USHBP1: variants seen among roughly 807,000 people sequenced by gnomAD.
USHBP1 encodes the protein USH1 protein network component harmonin binding protein 1, also known as harmonin-binding protein USHBP1.
A neutral mutation model predicts 76.2 loss-of-function variants in USHBP1; 67 were observed. The ratio of observed to expected loss-of-function variants is 0.88; its 90% CI spans 0.72 to 1.08. The LOEUF (loss-of-function observed/expected upper bound fraction) is 1.08, where lower values mean the gene tolerates loss of function less well. Ranked by LOEUF, USHBP1 falls within the 50% of genes least tolerant of loss-of-function variation. USHBP1 has a pLI of 0.00. For synonymous variants in USHBP1, 322 were observed against 362.2 expected (o/e 0.89, Z 1.26); for missense variants, 931 against 915.0 (o/e 1.02, Z -0.23).
intron 3 of USHBP1, 99 bp downstream of exon 3, chr19:17,263,903 T>G (rs1599481200): frequency 7.2e-7 from 1 of 1,392,782 alleles, no homozygotes; most frequent in African/African-American, 1.5e-5. Flanking sequence ...AATAGGGAGC[T>G]ATGGTAGGTG....
chr19:17,258,516 C>G, intron 7 of USHBP1, 131 bp from the exon 8 acceptor site: 1 of 984,522 alleles, frequency 1.0e-6, no homozygotes, highest in Non-Finnish European at 1.5e-6. Flanking sequence ...CGAGACCAGC[C>G]TGACCAACAT....
At position 17,260,036 on chromosome 19, in the gene USHBP1, G is replaced by C. The variant is rs747636312; in HGVS notation, c.643-14C>G. ...CAGCTCTTGAACCTGGGAAAGATGAGGGGGACGTCAGGCCTAGGGGCTCAA... is the reference window on the plus strand; with the variant it reads ...CAGCTCTTGAACCTGGGAAAGATGACGGGGACGTCAGGCCTAGGGGCTCAA... On this transcript the variant is annotated splice_polypyrimidine_tract_variant and intron_variant, in intron 4 of 12. Coordinates refer to ENST00000252597, the MANE Select transcript of USHBP1 (RefSeq NM_031941.4). 5 of 1,609,786 alleles carry C rather than the reference G, an allele frequency of 3.1e-6. No individual in the cohort carries two copies. The highest frequency in any genetic ancestry group is 4.2e-6 in the Non-Finnish European group (5 of 1,176,966).
In USHBP1 at chr19:17,262,784, CG is replaced by C; in HGVS notation, c.409del (p.Arg137AlafsTer51). ...CCCAGAATGGCTGGGGGGCTGGTGGCGCCAGGCTGCAGCCGCTGCCTCCAGG... is the reference window on the plus strand; with the variant it reads ...CCCAGAATGGCTGGGGGGCTGGTGGCCCAGGCTGCAGCCGCTGCCTCCAGG... ...SSLEAAAAAW[R>X]HQPPSHSGPM... On this transcript the variant is annotated frameshift_variant, in exon 4 of 13. Coordinates refer to ENST00000252597, the MANE Select transcript of USHBP1 (RefSeq NM_031941.4). LOFTEE classifies it high-confidence loss of function. 1 of 1,614,006 alleles carries C rather than the reference CG, an allele frequency of 6.2e-7. No homozygotes were observed. Among genetic ancestry groups the C allele is most frequent in the South Asian group, 1.1e-5 (1 of 91,072 alleles).
Position 17,259,435 on chromosome 19 carries a change from C to A in USHBP1, c.906-6G>T. On this transcript the variant is annotated splice_region_variant and splice_polypyrimidine_tract_variant and intron_variant, in intron 6 of 12. Coordinates refer to ENST00000252597, the MANE Select transcript of USHBP1 (RefSeq NM_031941.4). The stretch of plus-strand genomic sequence containing the variant: ...ATTTGAGCTTCTCAATGCTCCTGTT[C>A]CCGAAGGTGGGGAAGAGGGAAAGTC... 1 of 1,613,976 alleles carries A rather than the reference C, an allele frequency of 6.2e-7. No individual in the cohort carries two copies. Among genetic ancestry groups the A allele is most frequent in the South Asian group, 1.1e-5 (1 of 91,054 alleles).
chr19:17,258,294 C>T lies in USHBP1; in HGVS notation c.1138G>A (p.Ala380Thr), dbSNP rs1242579768. The T allele has an allele frequency of 3.1e-6, 5 of 1,614,024 alleles. No individual in the cohort carries two copies. The highest frequency in any genetic ancestry group is 2.7e-5 in the African/African-American group (2 of 74,932). Reference sequence around the variant, plus strand: ...AGCCTCCATGCTTCCTTTTCAGCTGCTTGCAGGTCACTCATGGGGGCTTCG... The same window carrying T: ...AGCCTCCATGCTTCCTTTTCAGCTGTTTGCAGGTCACTCATGGGGGCTTCG... ...GDEAPMSDLQ[A>T]AEKEAWRLLA... is the part of the protein sequence containing the mutation. The change falls in exon 8 of 13, where the codon GCA becomes ACA. Residue 380 changes from alanine (A) to threonine (T), a missense_variant. Ala to Thr is a moderately conservative substitution (Grantham distance 58, BLOSUM62 0). Coordinates refer to ENST00000252597, the MANE Select transcript of USHBP1 (RefSeq NM_031941.4).
chr19:17,260,076 CTCTCTCCCCAAGGCCTGT>C, intron 4 of USHBP1, 54 bp from the exon 5 acceptor site: 1 of 1,574,126 alleles, frequency 6.4e-7, no homozygotes, highest in Non-Finnish European at 8.7e-7. Flanking sequence ...ACCACCAGCC[CTCTCTCCCCAAGGCCTGT>C]TCTTGGGGAA....
intron 4 of USHBP1, among the ~76,000 whole-genome samples, chr19:17,261,673 C>T (rs1378978528): frequency 4.4e-5 from 6 of 135,810 alleles, no homozygotes; most frequent in East Asian, 2.2e-4. Context: ...AGTCTCACTC[C>T]GTCACCCAGG....
At position 17,256,455 on chromosome 19, in the gene USHBP1, C is replaced by T. The variant is rs756557710; in HGVS notation, c.1470+16G>A. 3.1e-6 allele frequency: 5 copies of T among 1,612,592 alleles called. No individual in the cohort carries two copies. The South Asian group carries it at 3.3e-5, about 11-fold the overall frequency. On this transcript the variant is annotated intron_variant, in intron 9 of 12. Coordinates refer to ENST00000252597, the MANE Select transcript of USHBP1 (RefSeq NM_031941.4). ...CACCAAGAAAGACTGACACAGTGGC[C>T]ACAGCCCATTTGTACCCTTGCGGCC...
chr19:17,257,528 G>C (rs1470447668), intron 8 of USHBP1, among the ~76,000 whole-genome samples: 1 of 150,264 alleles, frequency 6.7e-6, no homozygotes, highest in Admixed American at 6.6e-5. Context: ...TGTAATCCCA[G>C]CTACTCGGGA....
Position 17,256,476 on chromosome 19 carries a change from C to G in USHBP1, c.1465G>C (p.Ala489Pro), listed in dbSNP as rs201528202. 1 of 1,613,268 alleles carries G rather than the reference C, an allele frequency of 6.2e-7. No homozygotes were observed. Among genetic ancestry groups the G allele is most frequent in the Non-Finnish European group, 8.5e-7 (1 of 1,180,008 alleles). ...KTQIQQDLVAAREALADLMLR... is the reference protein window; with the variant it reads ...KTQIQQDLVAPREALADLMLR... The stretch of plus-strand genomic sequence containing the variant: ...TGGCCACAGCCCATTTGTACCCTTG[C>G]GGCCACCAGGTCCTGCTGAATTTGT... The change falls in exon 9 of 13, where the codon GCA becomes CCA. Residue 489 changes from alanine to proline, a missense_variant. Transcript: ENST00000252597.
chr19:17,260,581 C>G (rs1297635219), intron 4 of USHBP1, among the ~76,000 whole-genome samples: 1 of 152,164 alleles, frequency 6.6e-6, no homozygotes, highest in Non-Finnish European at 1.5e-5. Context: ...CTTCCTGACT[C>G]AGCCTCCCAA....
At chr19:17,251,834 C>G in intron 11 of USHBP1, 77 bp downstream of exon 11, 3 of 1,529,478 alleles carry the variant, frequency 2.0e-6, no homozygotes, top group Non-Finnish European at 2.6e-6. Context: ...TTAGCTTCTA[C>G]TGCAGACGAC....
intron 9 of USHBP1, 133 bp from the exon 10 acceptor site, chr19:17,255,739 G>T (rs2073612006): frequency 6.1e-6 from 6 of 985,192 alleles, no homozygotes. Flanking sequence ...AGTGGCTCAT[G>T]CCTGTAATCC....
intron 9 of USHBP1, among the ~76,000 whole-genome samples, chr19:17,256,110 T>G (rs1236481941): frequency 6.6e-6 from 1 of 152,078 alleles, no homozygotes; most frequent in Non-Finnish European, 1.5e-5. Context: ...GAAATGGCAT[T>G]TCCTAGAGGG....
chr19:17,263,475 T>C (rs1176726510), intron 3 of USHBP1: 1 of 159,566 alleles, frequency 6.3e-6, no homozygotes, highest in Non-Finnish European at 1.4e-5. Flanking sequence ...AGGAAGAGGC[T>C]AGATAGAGGT....
At chr19:17,250,986 G>A (rs1321525090) in intron 12 of USHBP1, among the ~76,000 whole-genome samples, 9 of 151,936 alleles carry the variant, frequency 5.9e-5, no homozygotes, top group African/African-American at 1.5e-4. Context: ...TCAGCCTACC[G>A]AGTAGCTGGG....
chr19:17,259,996 C>A lies in USHBP1; in HGVS notation c.669G>T (p.Leu223Phe). 1.2e-6 allele frequency: 2 copies of A among 1,613,768 alleles called. No homozygotes were observed. Among genetic ancestry groups the A allele is most frequent in the Non-Finnish European group, 1.7e-6 (2 of 1,179,830 alleles). ...KEVQELQDSL[L>F]RLEPCPHLSH... ...AAAGATGTGGGCAGGGCTCCAGCCTCAAGAGGGAATCCTGCAGCTCTTGAA... is the reference window on the plus strand; with the variant it reads ...AAAGATGTGGGCAGGGCTCCAGCCTAAAGAGGGAATCCTGCAGCTCTTGAA... Residue 223 changes from leucine (L) to phenylalanine (F), a missense_variant, in exon 5 of 13, where the codon TTG (leucine) becomes TTT (phenylalanine). By Grantham distance (22) the Leu-to-Phe change is conservative (BLOSUM62 0). Transcript: ENST00000252597.
Position 17,259,962 on chromosome 19 carries a change from G to C in USHBP1, c.703C>G (p.Gln235Glu). The C allele has an allele frequency of 5.6e-6, 9 of 1,614,046 alleles. No homozygotes were observed. Among genetic ancestry groups the C allele is most frequent in the Non-Finnish European group, 7.6e-6 (9 of 1,179,988 alleles). ...LEPCPHLSHNQAGGSGSGSSS... is the reference protein window; with the variant it reads ...LEPCPHLSHNEAGGSGSGSSS... The stretch of plus-strand genomic sequence containing the variant: ...GAACCACTGCCTGAGCCACCTGCTT[G>C]GTTGTGGGAAAGATGTGGGCAGGGC... The change falls in exon 5 of 13, where the codon CAA (glutamine) becomes GAA (glutamate). Residue 235 changes from glutamine (Q) to glutamate (E), a missense_variant. Coordinates refer to ENST00000252597, the MANE Select transcript of USHBP1 (RefSeq NM_031941.4).
chr19:17,255,707 A>C, intron 9 of USHBP1, 101 bp from the exon 10 acceptor site: 1 of 1,325,130 alleles, frequency 7.5e-7, no homozygotes, highest in Non-Finnish European at 1.0e-6. Flanking sequence ...TCAGACAAAA[A>C]CTGTGACTTT....
Sources: allele counts gnomAD v4.1 joint callset (sites outside exome capture counted in the v4.1 genomes callset), GRCh38; gene constraint gnomAD v4.1.1; transcripts MANE v1.5; gene names NCBI Gene and HGNC (gene_info 2026-07-23, HGNC 2026-07-21).